The following GTF2H1 variants were observed in gnomAD, a reference collection of about 807,000 sequenced individuals.
GTF2H1 encodes general transcription factor IIH subunit 1, also known as BTF2 p62.
In GTF2H1, 16 loss-of-function variants were observed where a neutral mutation model predicts 71.2. The ratio of observed to expected loss-of-function variants is 0.22; its 90% CI spans 0.15 to 0.34. The LOEUF is 0.34. Ranked by LOEUF, GTF2H1 falls within the 10% of genes least tolerant of loss-of-function variation. The pLI is 1.00. For synonymous variants in GTF2H1, 215 were observed against 219.0 expected (o/e 0.98, Z 0.16); for missense variants, 498 against 648.2 (o/e 0.77, Z 2.52).
At chr11:18,338,922 A>G (rs1331962029) in intron 4 of GTF2H1, among the ~76,000 whole-genome samples, 1 of 152,292 alleles carries the variant, frequency 6.6e-6, no homozygotes, top group African/African-American at 2.4e-5. Flanking sequence ...ATATTTTCAA[A>G]TGTAGGGCTT....
At chr11:18,331,870 T>C (rs939014280) in intron 1 of GTF2H1, among the ~76,000 whole-genome samples, 3 of 152,236 alleles carry the variant, frequency 2.0e-5, no homozygotes, top group African/African-American at 7.2e-5. Flanking sequence ...CCCATTTTAT[T>C]TGTTTAGAGA....
At position 18,341,674 on chromosome 11, in the gene GTF2H1, C is replaced by T. The variant is rs751430881; in HGVS notation, c.837+67C>T. The T allele has an allele frequency of 1.5e-5, 14 of 928,756 alleles. No individual in the cohort carries two copies. The East Asian group carries it at 2.9e-4, about 19-fold the overall frequency. The allele number at this position is 928,756 out of a possible 1,614,324, so 57.5% of individuals were successfully genotyped here. On this transcript the variant is annotated intron_variant, in intron 7 of 14. Coordinates refer to ENST00000265963, the MANE Select transcript of GTF2H1 (RefSeq NM_005316.4). ...TCCTAGTCTTCAACATTGTCTTAAG[C>T]GTAGTAGACCTATTCCACTTGTGAG...
At chr11:18,363,798 C>T (rs1412732571) in intron 14 of GTF2H1, among the ~76,000 whole-genome samples, 2 of 151,846 alleles carry the variant, frequency 1.3e-5, no homozygotes, top group South Asian at 2.1e-4. Context: ...GAGGGCCAGG[C>T]GCGGTGGCTT....
chr11:18,363,609 A>G (rs1865755118), intron 14 of GTF2H1, among the ~76,000 whole-genome samples: 1 of 152,220 alleles, frequency 6.6e-6, no homozygotes, highest in Admixed American at 6.5e-5. Flanking sequence ...AAGATTTTTC[A>G]TATTTATTTC....
intron 1 of GTF2H1, chr11:18,326,224 A>G (rs1301599465): frequency 6.6e-6 from 1 of 152,196 alleles, no homozygotes; most frequent in Non-Finnish European, 1.5e-5. Flanking sequence ...TTTATATGTT[A>G]TATATAAGAG....
intron 11 of GTF2H1, among the ~76,000 whole-genome samples, chr11:18,356,656 C>T (rs1865555303): frequency 6.6e-6 from 1 of 152,104 alleles, no homozygotes; most frequent in Non-Finnish European, 1.5e-5. Flanking sequence ...ACTATCATAG[C>T]TTACTGCAAC....
intron 3 of GTF2H1, 94 bp downstream of exon 3, chr11:18,336,040 CGGTTTT>C (rs1045708353): frequency 7.0e-5 from 62 of 883,372 alleles, no homozygotes; most frequent in South Asian, 1.6e-4. Flanking sequence ...CACGTTTTTT[CGGTTTT>C]GGTTTTGGTT....
At chr11:18,326,838 T>C (rs763562192) in intron 1 of GTF2H1, among the ~76,000 whole-genome samples, 16 of 152,184 alleles carry the variant, frequency 1.1e-4, no homozygotes, top group Admixed American at 1.3e-4. Context: ...CCTCCCCTCA[T>C]CTTTCTTAGA....
rs549614515 is a variant in GTF2H1 at position 18,366,015 on chromosome 11, A to G, written c.*146A>G. The G allele has an allele frequency of 1.8e-5, 11 of 624,062 alleles. No homozygotes were observed. The East Asian group carries it at 2.5e-4, about 14-fold the overall frequency. The allele number at this position is 624,062 out of a possible 1,614,324, so 38.7% of individuals were successfully genotyped here. The stretch of plus-strand genomic sequence containing the variant: ...CACGCCAACTCCCAGAGCTGATGCT[A>G]TTGTACTTGCACATTGGAGACTGAA... On this transcript the variant is annotated 3_prime_UTR_variant, in exon 15 of 15. Transcript: ENST00000265963.
chr11:18,339,782 C>A (rs912776729), intron 5 of GTF2H1, 125 bp downstream of exon 5: 2 of 602,850 alleles, frequency 3.3e-6, no homozygotes, highest in Non-Finnish European at 2.9e-6. Context: ...ACTTTTTACC[C>A]AGTGCCTGAC....
chr11:18,361,319 T>A (rs1387297102), intron 14 of GTF2H1, among the ~76,000 whole-genome samples: 1 of 152,026 alleles, frequency 6.6e-6, no homozygotes, highest in African/African-American at 2.4e-5. Flanking sequence ...CCTCCAGAGG[T>A]CATGACTAAC....
At position 18,365,922 on chromosome 11, in the gene GTF2H1, G is replaced by A; in HGVS notation, c.*53G>A. On this transcript the variant is annotated 3_prime_UTR_variant, in exon 15 of 15. Coordinates refer to ENST00000265963, the MANE Select transcript of GTF2H1 (RefSeq NM_005316.4). ...GAGATTGAGAGAACTATGACCTGCA[G>A]CAACTCTGGAAACCTGGCCTGACAG... 2 of 1,263,774 alleles carry A rather than the reference G, an allele frequency of 1.6e-6. No individual in the cohort carries two copies. The highest frequency in any genetic ancestry group is 2.3e-6 in the Non-Finnish European group (2 of 868,848). The allele number at this position is 1,263,774 out of a possible 1,614,324, so 78.3% of individuals were successfully genotyped here. A position where few individuals can be genotyped will look rare whatever the true frequency, so the allele number is the denominator to read the frequency against.
intron 10 of GTF2H1, 56 bp downstream of exon 10, chr11:18,352,025 A>G (rs1052798268): frequency 2.3e-6 from 2 of 861,260 alleles, no homozygotes; most frequent in African/African-American, 3.3e-5. Flanking sequence ...TCCAAAATAT[A>G]TCCTACAAGT....
rs1195252751 is a variant in GTF2H1 at position 18,366,933 on chromosome 11, G to A, written c.*1064G>A. On this transcript the variant is annotated 3_prime_UTR_variant, in exon 15 of 15. Transcript: ENST00000265963. ...AAAGATGTTCTTGTTTCTGAACTTC[G>A]TGCCATATTTTGTTCCTGATGGGAT... The A allele has an allele frequency of 2.7e-5, 4 of 149,500 alleles. No homozygotes were observed. Among genetic ancestry groups the A allele is most frequent in the Admixed American group, 1.3e-4 (2 of 14,878 alleles). 9.3% of individuals were successfully genotyped at this position (149,500 alleles called of 1,614,324 possible).
intron 13 of GTF2H1, 56 bp from the exon 14 acceptor site, chr11:18,360,559 G>T (rs978750701): frequency 3.8e-6 from 3 of 786,758 alleles, no homozygotes; most frequent in Middle Eastern, 3.5e-4. Context: ...TTGTTTTTCT[G>T]TTGGTCTCTA....
chr11:18,340,288 C>CT (rs11438773), intron 5 of GTF2H1, among the ~76,000 whole-genome samples: 6,733 of 144,930 alleles, frequency 0.046, 421 homozygotes, highest in African/African-American at 0.15. Context: ...GACCCTATCT[C>CT]TTTTTTTTTT....
At chr11:18,352,637 G>A (rs1033408628) in intron 11 of GTF2H1, among the ~76,000 whole-genome samples, 191 bp downstream of exon 11, 6 of 152,188 alleles carry the variant, frequency 3.9e-5, no homozygotes, top group African/African-American at 1.2e-4. Context: ...CTGAAGATAA[G>A]ATGATAATGA....
chr11:18,345,178 G>A (rs1212130733), intron 7 of GTF2H1, among the ~76,000 whole-genome samples: 1 of 151,850 alleles, frequency 6.6e-6, no homozygotes, highest in Non-Finnish European at 1.5e-5. Context: ...GCAACAGAGC[G>A]AGAACCTGTC....
At chr11:18,357,757 G>A (rs1159246007) in intron 11 of GTF2H1, among the ~76,000 whole-genome samples, 195 bp from the exon 12 acceptor site, 2 of 152,088 alleles carry the variant, frequency 1.3e-5, no homozygotes, top group Non-Finnish European at 2.9e-5. Flanking sequence ...AGATTTGTAG[G>A]TATCTTCTTT....
Sources: allele counts gnomAD v4.1 joint callset (sites outside exome capture counted in the v4.1 genomes callset), GRCh38; gene constraint gnomAD v4.1.1; transcripts MANE v1.5; gene names NCBI Gene and HGNC (gene_info 2026-07-23, HGNC 2026-07-21).